Variants in YAF2 observed in about 807,000 individuals in gnomAD.
YAF2 encodes the protein YY1 associated factor 2.
Under a neutral mutation model 20.1 loss-of-function variants are expected in YAF2, and 7 were observed. That is an observed-to-expected ratio of 0.35 (90% CI 0.20 to 0.65). YAF2 has a LOEUF of 0.65. Among genes scored for constraint, YAF2 ranks in the 30% least tolerant of loss-of-function variants. YAF2 has a pLI of 0.69. For missense variants in YAF2, 151 were observed against 219.2 expected, an observed-to-expected ratio of 0.69 and a Z score of 1.96; for synonymous variants, 74 against 76.0, an observed-to-expected ratio of 0.97 and a Z score of 0.14.
intron 2 of YAF2, chr12:42,212,373 T>C (rs916818787): frequency 1.4e-5 from 5 of 366,482 alleles, no homozygotes; most frequent in African/African-American, 1.1e-4. Context: ...CTAACACTAG[T>C]AACTACACTA....
chr12:42,183,908 T>C (rs983377586), intron 2 of YAF2, among the ~76,000 whole-genome samples: 9 of 152,220 alleles, frequency 5.9e-5, no homozygotes, highest in Admixed American at 2.6e-4. Context: ...GCTAATGCAG[T>C]TGGTAACTTT....
chr12:42,220,548 T>C (rs74405182), intron 2 of YAF2, among the ~76,000 whole-genome samples: 1 of 151,892 alleles, frequency 6.6e-6, no homozygotes, highest in African/African-American at 2.4e-5. Flanking sequence ...AAAAGACAAA[T>C]AGCAAAAATG....
intron 2 of YAF2, among the ~76,000 whole-genome samples, chr12:42,176,391 G>A (rs914525518): frequency 1.3e-5 from 2 of 151,996 alleles, no homozygotes; most frequent in African/African-American, 4.8e-5. Context: ...AAAGTGCTGG[G>A]ATTACAGGGG....
chr12:42,171,341 A>C (rs2066042338), intron 2 of YAF2, among the ~76,000 whole-genome samples: 1 of 152,094 alleles, frequency 6.6e-6, no homozygotes, highest in Admixed American at 6.6e-5. Flanking sequence ...GTAATGTACT[A>C]TCCAGGCATA....
At chr12:42,185,994 A>G (rs1475341935) in intron 2 of YAF2, among the ~76,000 whole-genome samples, 1 of 152,104 alleles carries the variant, frequency 6.6e-6, no homozygotes, top group Non-Finnish European at 1.5e-5. Flanking sequence ...TGAGGTCAGG[A>G]GTTCGAGACC....
chr12:42,173,797 C>A (rs1020380219), intron 2 of YAF2, among the ~76,000 whole-genome samples: 4 of 152,154 alleles, frequency 2.6e-5, no homozygotes, highest in Non-Finnish European at 1.5e-5. Flanking sequence ...GAAGAGAGCA[C>A]TGAACAAAAC....
intron 2 of YAF2, among the ~76,000 whole-genome samples, chr12:42,167,507 G>A (rs1448429465): frequency 1.3e-5 from 2 of 152,050 alleles, no homozygotes; most frequent in African/African-American, 4.8e-5. Context: ...AAATCTATAG[G>A]TAGAACCACT....
chr12:42,203,118 C>T (rs2066944764), intron 2 of YAF2, among the ~76,000 whole-genome samples: 1 of 150,154 alleles, frequency 6.7e-6, no homozygotes, highest in South Asian at 2.1e-4. Context: ...ACATAAAATT[C>T]ACAAAGTAAC....
chr12:42,172,529 G>A (rs1402693893), intron 2 of YAF2, among the ~76,000 whole-genome samples: 3 of 152,034 alleles, frequency 2.0e-5, no homozygotes, highest in African/African-American at 7.2e-5. Flanking sequence ...CTAGGGCAGG[G>A]GCTACAACAT....
At chr12:42,211,321 G>T (rs1322041966) in intron 2 of YAF2, among the ~76,000 whole-genome samples, 2 of 151,670 alleles carry the variant, frequency 1.3e-5, no homozygotes, top group Non-Finnish European at 2.9e-5. Context: ...CAGCTACTCG[G>T]GTGGCTGAGG....
intron 2 of YAF2, among the ~76,000 whole-genome samples, chr12:42,189,649 A>G (rs2066562504): frequency 1.3e-5 from 2 of 152,350 alleles, no homozygotes; most frequent in South Asian, 2.1e-4. Flanking sequence ...TTTATGATAC[A>G]TACATTATAG....
intron 2 of YAF2, chr12:42,199,069 G>C (rs1236375265): frequency 1.2e-6 from 1 of 826,290 alleles, no homozygotes; most frequent in Non-Finnish European, 1.7e-6. Context: ...TGTTCCTTTA[G>C]TATTAATTTC....
Position 42,186,644 on chromosome 12 carries a change from T to C in YAF2, c.153-24879A>G, listed in dbSNP as rs1236273259. On this transcript the variant is annotated intron_variant, in intron 2 of 3. Transcript: ENST00000534854. ...GTGAGCTGAGATCATGCCATTGCAC[T>C]CTAGCATGGGTGACAAAAGCAAGAC... is the stretch of plus-strand genomic sequence containing the variant. 4.0e-5 allele frequency among the ~76,000 whole-genome samples: 6 copies of C among 151,566 alleles called. No individual in the cohort carries two copies. In the East Asian group the frequency reaches 1.2e-3, roughly 29 times the overall value.
At chr12:42,194,999 C>T (rs1421631861) in intron 2 of YAF2, among the ~76,000 whole-genome samples, 1 of 152,230 alleles carries the variant, frequency 6.6e-6, no homozygotes, top group Admixed American at 6.5e-5. Context: ...CTTCTAAACT[C>T]CAATATTAGT....
At position 42,230,615 on chromosome 12, in the gene YAF2, TG is replaced by T. The variant is rs1489171530; in HGVS notation, c.152+6983del. On this transcript the variant is annotated intron_variant, in intron 2 of 3. Coordinates refer to ENST00000534854, the MANE Select transcript of YAF2 (RefSeq NM_005748.6). ...ACAGAAGTGATATGGGCTTCTGAAC[TG>T]TAACTACATAAAAGGAAAAAGGATA... 2.0e-5 allele frequency among the ~76,000 whole-genome samples: 3 copies of T among 152,192 alleles called. No homozygotes were observed. In the East Asian group the frequency reaches 5.8e-4, roughly 29 times the overall value.
chr12:42,203,769 T>C (rs1350569299), intron 2 of YAF2, among the ~76,000 whole-genome samples: 2 of 152,216 alleles, frequency 1.3e-5, no homozygotes, highest in Non-Finnish European at 2.9e-5. Context: ...TATTTTCCCT[T>C]GTATAGTCTT....
chr12:42,219,549 G>C (rs1174404982), intron 2 of YAF2, among the ~76,000 whole-genome samples: 1 of 152,132 alleles, frequency 6.6e-6, no homozygotes, highest in Admixed American at 6.5e-5. Flanking sequence ...TAGACACAGA[G>C]AGATGCCCAC....
intron 2 of YAF2, among the ~76,000 whole-genome samples, chr12:42,176,773 C>T (rs2066205025): frequency 6.6e-6 from 1 of 152,026 alleles, no homozygotes; most frequent in Admixed American, 6.6e-5. Flanking sequence ...ACCAGCCTGG[C>T]CAATATGGCG....
chr12:42,226,851 G>A (rs1437328499), intron 2 of YAF2, among the ~76,000 whole-genome samples: 2 of 151,278 alleles, frequency 1.3e-5, no homozygotes, highest in African/African-American at 4.8e-5. Context: ...TTGAGAGGAG[G>A]TCGCGGCGCC....
Sources: allele counts gnomAD v4.1 joint callset (sites outside exome capture counted in the v4.1 genomes callset), GRCh38; gene constraint gnomAD v4.1.1; transcripts MANE v1.5; gene names NCBI Gene and HGNC (gene_info 2026-07-23, HGNC 2026-07-21).